Variants in KIAA0319 observed in about 807,000 individuals in gnomAD.
KIAA0319 encodes dyslexia-associated protein KIAA0319.
Under a neutral mutation model 108.4 loss-of-function variants are expected in KIAA0319, and 83 were observed. The ratio of observed to expected loss-of-function variants is 0.77; its 90% CI spans 0.64 to 0.92. KIAA0319 has a LOEUF of 0.92. Ranked by LOEUF, KIAA0319 falls within the 40% of genes least tolerant of loss-of-function variation. The pLI is 0.00. For missense variants in KIAA0319, 1,195 were observed against 1,322.4 expected (o/e 0.90, Z 1.49); for synonymous variants, 484 against 510.4 (o/e 0.95, Z 0.70).
At chr6:24,543,296 C>A (rs962045255), downstream of KIAA0319, among the ~76,000 whole-genome samples, 1 of 152,106 alleles carries the variant, frequency 6.6e-6, no homozygotes, top group Non-Finnish European at 1.5e-5. Context: ...TACAAAGAGC[C>A]ACGAGGAAAC....
rs558307511 is a variant in KIAA0319 at position 24,628,337 on chromosome 6, C to T, written c.-106+17399G>A. 5.9e-5 allele frequency among the ~76,000 whole-genome samples: 9 copies of T among 152,122 alleles called. No individual in the cohort carries two copies. In the South Asian group the frequency reaches 1.9e-3, roughly 32 times the overall value. On this transcript the variant is annotated intron_variant, in intron 1 of 20. Coordinates refer to ENST00000378214, the MANE Select transcript of KIAA0319 (RefSeq NM_014809.4). The stretch of plus-strand genomic sequence containing the variant: ...AACCTTATGTTTTTCTGTTTTCTAG[C>T]CTGTAAGTTCTCTTTAAAGTGTTTT...
chr6:24,586,661 C>T (rs1767543996), intron 4 of KIAA0319, among the ~76,000 whole-genome samples: 1 of 152,132 alleles, frequency 6.6e-6, no homozygotes, highest in Admixed American at 6.5e-5. Context: ...ATATAATAAA[C>T]CTCTCTGAGA....
At chr6:24,610,096 C>G (rs1340219434) in intron 1 of KIAA0319, among the ~76,000 whole-genome samples, 2 of 151,778 alleles carry the variant, frequency 1.3e-5, no homozygotes, top group African/African-American at 4.8e-5. Context: ...TAGACATCAC[C>G]AAAATGAAAA....
intron 1 of KIAA0319, among the ~76,000 whole-genome samples, chr6:24,618,359 A>G (rs780620754): frequency 5.3e-5 from 8 of 152,172 alleles, no homozygotes; most frequent in Non-Finnish European, 8.8e-5. Flanking sequence ...TTATAACCCC[A>G]ACACTTTGGG....
chr6:24,613,493 T>C (rs1772690673), intron 1 of KIAA0319, among the ~76,000 whole-genome samples: 1 of 152,098 alleles, frequency 6.6e-6, no homozygotes, highest in South Asian at 2.1e-4. Flanking sequence ...CCCCAGAAGA[T>C]CTACAAACAC....
intron 12 of KIAA0319, 72 bp downstream of exon 12, chr6:24,569,831 G>C: frequency 6.5e-7 from 1 of 1,544,408 alleles, no homozygotes; most frequent in Non-Finnish European, 8.8e-7. Flanking sequence ...GTTTACTACA[G>C]ATCCTCCAGA....
chr6:24,593,224 T>C lies in KIAA0319; in HGVS notation c.801+2649A>G, dbSNP rs567926323. ...AGTTTTGCCTCTGTTTGCACACTCA[T>C]TTCAATATATTTTTTAACCTATGAA... On this transcript the variant is annotated intron_variant, in intron 3 of 20. Coordinates refer to ENST00000378214, the MANE Select transcript of KIAA0319 (RefSeq NM_014809.4). Among the ~76,000 whole-genome samples the C allele has an allele frequency of 9.9e-5, 15 of 152,202 alleles. No individual in the cohort carries two copies. The South Asian group carries it at 1.9e-3, about 19-fold the overall frequency.
Position 24,579,840 on chromosome 6 carries a change from C to T in KIAA0319, c.1372+18G>A. The T allele has an allele frequency of 6.3e-7, 1 of 1,580,288 alleles. No homozygotes were observed. Among genetic ancestry groups the T allele is most frequent in the East Asian group, 2.3e-5 (1 of 43,830 alleles). Reference sequence around the variant, plus strand: ...GTAGAGAAAAAAAGAAATCCCTAAACTATCTCAGGATACACACGGCTGCCA... The same window carrying T: ...GTAGAGAAAAAAAGAAATCCCTAAATTATCTCAGGATACACACGGCTGCCA... On this transcript the variant is annotated intron_variant, in intron 8 of 20. Transcript: ENST00000378214.
rs147445057 is a variant in KIAA0319 at position 24,638,334 on chromosome 6, T to C, written c.-106+7402A>G. 2.0e-5 allele frequency among the ~76,000 whole-genome samples: 3 copies of C among 152,254 alleles called. No individual in the cohort carries two copies. The East Asian group carries it at 5.8e-4, about 29-fold the overall frequency. ...ATCCAGTGAACTCAAATGGGAGCAA[T>C]ATCTGTGGAAATAACCCAAAATGCA... On this transcript the variant is annotated intron_variant, in intron 1 of 20. Transcript: ENST00000378214.
chr6:24,568,705 A>G, intron 13 of KIAA0319, 76 bp downstream of exon 13: 1 of 1,396,916 alleles, frequency 7.2e-7, no homozygotes, highest in South Asian at 1.4e-5. Context: ...ATCTCTGAAT[A>G]GTCATGGCCT....
chr6:24,626,323 G>T, intron 1 of KIAA0319, among the ~76,000 whole-genome samples: 1 of 152,172 alleles, frequency 6.6e-6, no homozygotes, highest in Middle Eastern at 3.2e-3. Flanking sequence ...CTTGAGGGCA[G>T]GATTTTGAGA....
At chr6:24,580,584 T>A (rs1469417005) in intron 7 of KIAA0319, among the ~76,000 whole-genome samples, 1 of 152,186 alleles carries the variant, frequency 6.6e-6, no homozygotes, top group African/African-American at 2.4e-5. Context: ...CTCAGTTGAA[T>A]GTATTCAACA....
At chr6:24,541,671 G>A (rs1053212822), downstream of KIAA0319, among the ~76,000 whole-genome samples, 6 of 151,996 alleles carry the variant, frequency 3.9e-5, no homozygotes, top group African/African-American at 9.7e-5. Context: ...GGTGGTGGGC[G>A]CCTGTAATCC....
Position 24,596,016 on chromosome 6 carries a change from C to T in KIAA0319, c.658G>A (p.Glu220Lys). ...TTTGGGGCAGGGGTTGAAGCCGACT[C>T]ATTCAGGTAATGGAGCTCAGGGTCC... ...QQDPELHYLN[E>K]SASTPAPKLP... The change falls in exon 3 of 21, where the codon GAG becomes AAG. Residue 220 changes from glutamate (E) to lysine (K), a missense_variant. Physicochemically the swap from Glu to Lys is moderately conservative, Grantham distance 56. Coordinates refer to ENST00000378214, the MANE Select transcript of KIAA0319 (RefSeq NM_014809.4). 2 of 1,614,192 alleles carry T rather than the reference C, an allele frequency of 1.2e-6. No individual in the cohort carries two copies. Among genetic ancestry groups the T allele is most frequent in the Non-Finnish European group, 8.5e-7 (1 of 1,180,030 alleles).
At chr6:24,627,862 C>A (rs11759149) in intron 1 of KIAA0319, among the ~76,000 whole-genome samples, 4,622 of 152,270 alleles carry the variant, frequency 0.03, 113 homozygotes, top group Middle Eastern at 0.088. Flanking sequence ...TTGTGTGCAT[C>A]ATTTATAGTC....
intron 3 of KIAA0319, among the ~76,000 whole-genome samples, chr6:24,589,160 G>A (rs916278239): frequency 6.6e-6 from 1 of 152,190 alleles, no homozygotes; most frequent in Non-Finnish European, 1.5e-5. Context: ...ATAGTATTTG[G>A]AGGTAGGGCC....
intron 16 of KIAA0319, among the ~76,000 whole-genome samples, chr6:24,562,671 C>T (rs1763263326): frequency 6.6e-6 from 1 of 152,084 alleles, no homozygotes; most frequent in South Asian, 2.1e-4. Flanking sequence ...GAAACCCTGC[C>T]TCTACTAAAA....
chr6:24,599,571 C>T lies in KIAA0319; in HGVS notation c.55+1478G>A. On this transcript the variant is annotated intron_variant, in intron 2 of 20. Transcript: ENST00000378214. This position sits in a 1 kb window ranked among gnomAD's most constrained non-coding sequence, Gnocchi z 4.1. ...GGAGAGCTGGCTGGAGTCTGGGATG[C>T]AGAACATGAATATCCATACAAAGAC... 1 of 600,432 alleles carries T rather than the reference C, an allele frequency of 1.7e-6. No homozygotes were observed. 37.2% of individuals were successfully genotyped at this position (600,432 alleles called of 1,614,324 possible).
intron 1 of KIAA0319, among the ~76,000 whole-genome samples, chr6:24,602,555 C>T (rs922007452): frequency 6.6e-6 from 1 of 152,208 alleles, no homozygotes; most frequent in African/African-American, 2.4e-5. Context: ...AATCCCAGCA[C>T]TTTGGGAGGC....
Sources: allele counts gnomAD v4.1 joint callset (sites outside exome capture counted in the v4.1 genomes callset), GRCh38; gene constraint gnomAD v4.1.1; non-coding constraint Gnocchi (gnomAD v3.1); transcripts MANE v1.5; gene names NCBI Gene and HGNC (gene_info 2026-07-23, HGNC 2026-07-21).